The following FBH1 variants were observed in gnomAD, a reference collection of about 807,000 sequenced individuals.
The protein encoded by FBH1 is DNA 3'-5' helicase 1.
Under a neutral mutation model 115.5 loss-of-function variants are expected in FBH1, and 43 were observed. The observed-to-expected ratio is 0.37, with a 90% CI of 0.29 to 0.48. FBH1 has a LOEUF of 0.48. Among genes scored for constraint, FBH1 ranks in the 20% least tolerant of loss-of-function variants. The pLI is 0.99. For synonymous variants in FBH1, 524 were observed against 507.8 expected, an observed-to-expected ratio of 1.03 and a Z score of -0.43; for missense variants, 1,001 against 1,337.3, an observed-to-expected ratio of 0.75 and a Z score of 3.92.
rs537822501 is a variant in FBH1, at chr10:5,916,966, C to G, written c.1789-454C>G. ...CGCCTCAGTTTATAAGAGCTTGTCA[C>G]TGGGGCTCCTGGACCTCAAAACTGA... On this transcript the variant is annotated intron_variant, in intron 10 of 20. Transcript: ENST00000362091. The G allele has an allele frequency of 2.2e-4, 43 of 192,808 alleles. No individual in the cohort carries two copies. The East Asian group carries it at 4.7e-3, about 21-fold the overall frequency. 11.9% of individuals were successfully genotyped at this position (192,808 alleles called of 1,614,324 possible). A position where few individuals can be genotyped will look rare whatever the true frequency, so the allele number is the denominator to read the frequency against.
At position 5,917,449 on chromosome 10, in the gene FBH1, G is replaced by A. The variant is rs1832036955; in HGVS notation, c.1818G>A (p.Trp606Ter). The A allele has an allele frequency of 6.2e-7, 1 of 1,614,066 alleles. No individual in the cohort carries two copies. The highest frequency in any genetic ancestry group is 1.3e-5 in the African/African-American group (1 of 74,928). The part of the protein sequence containing the change: ...LNGVLEASRL[W>*]DNMRKLGECT... ...GTGTCCTTGAAGCGAGCCGCCTCTG[G>A]GATAACATGCGGAAGCTGGGGGAGT... is the stretch of plus-strand genomic sequence containing the variant. Residue 606 changes from tryptophan (W) to a stop codon, truncating the protein, a stop_gained, in exon 11 of 21, where the codon TGG (tryptophan) becomes TGA (stop). Transcript: ENST00000362091. LOFTEE classifies it high-confidence loss of function. This position sits in a 1 kb window ranked among gnomAD's most constrained non-coding sequence, Gnocchi z 5.6.
At chr10:5,892,797 C>G (rs925432592) in intron 1 of FBH1, among the ~76,000 whole-genome samples, 9 of 152,312 alleles carry the variant, frequency 5.9e-5, no homozygotes, top group African/African-American at 2.2e-4. Flanking sequence ...CCTTGTTGCT[C>G]TTTATCTTTT....
Position 5,914,135 on chromosome 10 carries a change from A to T in FBH1, c.1305-43A>T, listed in dbSNP as rs1231124569. ...GGACTGTCTATCCCCTGGACTTTTC[A>T]CGTCTTTCTGTTTTTCTTACTTCTC... On this transcript the variant is annotated intron_variant, in intron 7 of 20. Transcript: ENST00000362091. The surrounding 1 kb of genome is among the most constrained non-coding windows in gnomAD (Gnocchi z 5.2). The T allele has an allele frequency of 6.3e-7, 1 of 1,591,564 alleles. No homozygotes were observed. Among genetic ancestry groups the T allele is most frequent in the East Asian group, 2.2e-5 (1 of 44,772 alleles).
intron 19 of FBH1, chr10:5,928,492 G>A (rs975403626): frequency 1.3e-5 from 2 of 152,200 alleles, no homozygotes; most frequent in African/African-American, 4.8e-5. Context: ...GGAAGGTTTT[G>A]TGCACCCAGC....
intron 1 of FBH1, among the ~76,000 whole-genome samples, chr10:5,898,069 C>T (rs1055767586): frequency 2.0e-5 from 3 of 152,070 alleles, no homozygotes; most frequent in African/African-American, 4.8e-5. Flanking sequence ...ACCTCCCAGC[C>T]GAATTCTTCT....
Position 5,932,308 on chromosome 10 carries a change from T to C in FBH1, c.2830-4148T>C, listed in dbSNP as rs1833013670. On this transcript the variant is annotated intron_variant, in intron 19 of 20. Transcript: ENST00000362091. The surrounding 1 kb of genome is among the most constrained non-coding windows in gnomAD (Gnocchi z 5.9). ...ATTAGCAAATTCGTAGGTATTTTCA[T>C]ATTCTCCTTTTCCACAGAAGGTAGC... 1.3e-5 allele frequency among the ~76,000 whole-genome samples: 2 copies of C among 152,266 alleles called. No individual in the cohort carries two copies. The highest frequency in any genetic ancestry group is 4.1e-4 in the South Asian group (2 of 4,838).
upstream of FBH1, chr10:5,889,785 G>A (rs1032319461): frequency 1.9e-5 from 3 of 156,550 alleles, no homozygotes; most frequent in Non-Finnish European, 4.2e-5. Context: ...GCCCCAAAGT[G>A]GAGGGTCCGG....
At chr10:5,908,224 T>C (rs144010974) in intron 3 of FBH1, among the ~76,000 whole-genome samples, 108 of 152,376 alleles carry the variant, frequency 7.1e-4, no homozygotes, top group African/African-American at 2.5e-3. Flanking sequence ...ATAGTTATTA[T>C]ATCTTCTTGG....
rs563851244 is a variant in FBH1 at position 5,920,606 on chromosome 10, A to C, written c.2101-652A>C. 2.0e-5 allele frequency among the ~76,000 whole-genome samples: 3 copies of C among 152,318 alleles called. No homozygotes were observed. The South Asian group carries it at 6.2e-4, about 32-fold the overall frequency. On this transcript the variant is annotated intron_variant, in intron 13 of 20. Coordinates refer to ENST00000362091, the MANE Select transcript of FBH1 (RefSeq NM_178150.3). ...TTATAATTTCGGTTATGGTTCACTCAGAGTAGTTTTATAGCAACAAAGTAG... is the reference window on the plus strand; with the variant it reads ...TTATAATTTCGGTTATGGTTCACTCCGAGTAGTTTTATAGCAACAAAGTAG...
In FBH1 at chr10:5,921,705, C is replaced by A; in HGVS notation, c.2322+136C>A. 8.5e-7 allele frequency: 1 copy of A among 1,170,854 alleles called. No individual in the cohort carries two copies. Among genetic ancestry groups the A allele is most frequent in the Non-Finnish European group, 1.2e-6 (1 of 855,522 alleles). 72.5% of individuals were successfully genotyped at this position (1,170,854 alleles called of 1,614,324 possible). A position where few individuals can be genotyped will look rare whatever the true frequency, so the allele number is the denominator to read the frequency against. On this transcript the variant is annotated intron_variant, in intron 15 of 20. Transcript: ENST00000362091. The surrounding 1 kb of genome is among the most constrained non-coding windows in gnomAD (Gnocchi z 6.4). ...TTTTGACTCTTTCCACCAGGCTGCA[C>A]CATGAGTGGTCTCTATCCCAGGCCA...
In FBH1 at chr10:5,937,517, TAAAAAAA is replaced by T. The variant is rs58766013; in HGVS notation, c.*248_*254del. On this transcript the variant is annotated 3_prime_UTR_variant, in exon 21 of 21. Transcript: ENST00000362091. ...AGGGAAGTGGGGGATGTTCTTTTGA[TAAAAAAA>T]AAAAAAAAAATTTATGTATTTAAAC... is the stretch of plus-strand genomic sequence containing the variant. The T allele has an allele frequency of 3.7e-6, 1 of 270,948 alleles. No homozygotes were observed. Among genetic ancestry groups the T allele is most frequent in the Non-Finnish European group, 6.7e-6 (1 of 148,614 alleles). 16.8% of individuals were successfully genotyped at this position (270,948 alleles called of 1,614,324 possible).
Position 5,909,085 on chromosome 10 carries a change from G to T in FBH1, c.884+30G>T. On this transcript the variant is annotated intron_variant, in intron 4 of 20. Coordinates refer to ENST00000362091, the MANE Select transcript of FBH1 (RefSeq NM_178150.3). The surrounding 1 kb of genome is among the most constrained non-coding windows in gnomAD (Gnocchi z 4.4). ...GCTTTGCCTGTGCTGTAAAGAAGGC[G>T]TCTTTGAAGTCTTCCTTGTACATCA... 1 of 1,613,824 alleles carries T rather than the reference G, an allele frequency of 6.2e-7. No individual in the cohort carries two copies. Among genetic ancestry groups the T allele is most frequent in the Non-Finnish European group, 8.5e-7 (1 of 1,179,988 alleles).
At chr10:5,912,890 T>C (rs1831689952) in intron 6 of FBH1, among the ~76,000 whole-genome samples, 1 of 152,216 alleles carries the variant, frequency 6.6e-6, no homozygotes, top group Non-Finnish European at 1.5e-5. Context: ...TGCGTTTCTT[T>C]GTTTCTTCCT....
intron 1 of FBH1, chr10:5,894,156 A>G (rs1181302959): frequency 4.1e-6 from 4 of 985,396 alleles, no homozygotes; most frequent in Non-Finnish European, 4.8e-6. Context: ...GCGTCAGTGA[A>G]TACCTGGGAA....
intron 2 of FBH1, among the ~76,000 whole-genome samples, chr10:5,904,133 T>G (rs902748521): frequency 2.0e-5 from 3 of 152,022 alleles, no homozygotes; most frequent in Non-Finnish European, 4.4e-5. Flanking sequence ...TCACTGCAGC[T>G]CTGCCTCCCA....
chr10:5,904,460 T>C (rs1564437393), intron 2 of FBH1, among the ~76,000 whole-genome samples: 1 of 152,236 alleles, frequency 6.6e-6, no homozygotes, highest in Non-Finnish European at 1.5e-5. Flanking sequence ...GTCTGTTTCT[T>C]CTCTATTTTG....
chr10:5,926,334 G>A (rs1302208548), intron 18 of FBH1, among the ~76,000 whole-genome samples: 8 of 151,874 alleles, frequency 5.3e-5, no homozygotes, highest in African/African-American at 1.5e-4. Flanking sequence ...GTCTGGTCTC[G>A]AACTCCTGAC....
At position 5,906,956 on chromosome 10, in the gene FBH1, CCTTGA is replaced by C. The variant is rs1267091628; in HGVS notation, c.753+328_753+332del. Among the ~76,000 whole-genome samples the C allele has an allele frequency of 6.6e-6, 1 of 151,814 alleles. No homozygotes were observed. Among genetic ancestry groups the C allele is most frequent in the African/African-American group, 2.4e-5 (1 of 41,262 alleles). On this transcript the variant is annotated intron_variant, in intron 3 of 20. Coordinates refer to ENST00000362091, the MANE Select transcript of FBH1 (RefSeq NM_178150.3). The surrounding 1 kb of genome is among the most constrained non-coding windows in gnomAD (Gnocchi z 7.3). Reference sequence around the variant, plus strand: ...CCACCTGGAGGGTTCCTCATATCTCCCTTGACTTCTTTTTTTTTTTTTTTGAGACA... The same window carrying C: ...CCACCTGGAGGGTTCCTCATATCTCCCTTCTTTTTTTTTTTTTTTGAGACA...
intron 19 of FBH1, among the ~76,000 whole-genome samples, chr10:5,930,887 G>GAACAC (rs1832929265): frequency 6.6e-6 from 1 of 152,008 alleles, no homozygotes; most frequent in Non-Finnish European, 1.5e-5. Flanking sequence ...AAGTAGCTGG[G>GAACAC]AACACGCATG....
Sources: gnomAD v4.1 joint callset for allele counts (sites outside exome capture counted in the v4.1 genomes callset) on GRCh38, gnomAD v4.1.1 for gene constraint, Gnocchi (gnomAD v3.1) non-coding constraint, MANE v1.5 for transcripts, NCBI Gene and HGNC (gene_info 2026-07-23, HGNC 2026-07-21) for gene names.